Variants in UBE2R2 observed in about 807,000 individuals in gnomAD.
UBE2R2 encodes the protein ubiquitin-conjugating enzyme E2 R2.
In UBE2R2, 1 loss-of-function variant was observed where a neutral mutation model predicts 27.8. The observed-to-expected ratio is 0.04, with a 90% CI of 0.01 to 0.17. The LOEUF (loss-of-function observed/expected upper bound fraction) is 0.17. UBE2R2 is among the 10% of genes least tolerant of loss of function. The pLI is 1.00. For synonymous variants in UBE2R2, 106 were observed against 113.3 expected (o/e 0.94, Z 0.41); for missense variants, 100 against 291.0 (o/e 0.34, Z 4.78).
At chr9:33,873,524 A>G (rs1821533640) in intron 1 of UBE2R2, among the ~76,000 whole-genome samples, 1 of 152,248 alleles carries the variant, frequency 6.6e-6, no homozygotes, top group South Asian at 2.1e-4. Flanking sequence ...TGATAATTCC[A>G]TATGTGACCT....
intron 3 of UBE2R2, among the ~76,000 whole-genome samples, chr9:33,901,397 G>A (rs1822242686): frequency 6.6e-6 from 1 of 152,126 alleles, no homozygotes; most frequent in African/African-American, 2.4e-5. Context: ...TTTCTCCACT[G>A]TAAAGTTGCT....
At chr9:33,842,451 A>C (rs1350015896) in intron 1 of UBE2R2, among the ~76,000 whole-genome samples, 1 of 152,156 alleles carries the variant, frequency 6.6e-6, no homozygotes, top group Non-Finnish European at 1.5e-5. Context: ...AAAATAATTG[A>C]AATTTTTTTT....
rs1822724626 is a variant in UBE2R2 at position 33,918,864 on chromosome 9, T to A, written c.*1627T>A. 1 of 152,616 alleles carries A rather than the reference T, an allele frequency of 6.6e-6. No homozygotes were observed. Among genetic ancestry groups the A allele is most frequent in the Non-Finnish European group, 1.5e-5 (1 of 68,068 alleles). 9.5% of individuals were successfully genotyped at this position (152,616 alleles called of 1,614,324 possible). A position where few individuals can be genotyped will look rare whatever the true frequency, so the allele number is the denominator to read the frequency against. On this transcript the variant is annotated 3_prime_UTR_variant, in exon 5 of 5. Coordinates refer to ENST00000263228, the MANE Select transcript of UBE2R2 (RefSeq NM_017811.4). ...ATGGCCAGAGTAGGTGACGCTTACT[T>A]CCTTAGCTCCTCCTTCCATTCTGAT...
intron 1 of UBE2R2, among the ~76,000 whole-genome samples, chr9:33,865,729 A>G (rs184856095): frequency 2.0e-5 from 3 of 151,972 alleles, no homozygotes; most frequent in African/African-American, 4.8e-5. Flanking sequence ...CATGTCATAC[A>G]CCATTATTAC....
At chr9:33,899,484 C>T (rs1441824487) in intron 2 of UBE2R2, among the ~76,000 whole-genome samples, 10 of 152,298 alleles carry the variant, frequency 6.6e-5, no homozygotes, top group East Asian at 1.9e-4. Context: ...AAGCGATTCT[C>T]CTGCCCCAGC....
At chr9:33,896,852 T>C (rs924463307) in intron 2 of UBE2R2, among the ~76,000 whole-genome samples, 1 of 151,948 alleles carries the variant, frequency 6.6e-6, no homozygotes, top group Admixed American at 6.6e-5. Flanking sequence ...TTTTGTCAAA[T>C]CCATTGTCTG....
chr9:33,899,665 G>A (rs532520666), intron 2 of UBE2R2, among the ~76,000 whole-genome samples: 414 of 152,216 alleles, frequency 2.7e-3, no homozygotes, highest in Non-Finnish European at 4.4e-3. Context: ...GAGCCACCGC[G>A]CCCAGCCAAT....
At chr9:33,896,157 A>G (rs1208607970) in intron 2 of UBE2R2, among the ~76,000 whole-genome samples, 2 of 152,194 alleles carry the variant, frequency 1.3e-5, no homozygotes, top group Non-Finnish European at 2.9e-5. Flanking sequence ...TATAAAAATA[A>G]AAGTGACTGA....
chr9:33,839,379 A>C (rs1820682947), intron 1 of UBE2R2, among the ~76,000 whole-genome samples: 1 of 152,068 alleles, frequency 6.6e-6, no homozygotes, highest in Non-Finnish European at 1.5e-5. Context: ...CTGAGATAAC[A>C]GGCTCCTGCC....
At chr9:33,914,980 A>T (rs1169093692) in intron 4 of UBE2R2, among the ~76,000 whole-genome samples, 1 of 151,858 alleles carries the variant, frequency 6.6e-6, no homozygotes, top group Non-Finnish European at 1.5e-5. Context: ...CTACAAAAAA[A>T]TTAGCCAGGA....
intron 1 of UBE2R2, among the ~76,000 whole-genome samples, chr9:33,851,846 AGT>A (rs978181612): frequency 5.3e-5 from 8 of 152,140 alleles, no homozygotes; most frequent in African/African-American, 1.9e-4. Context: ...ATTCACATAA[AGT>A]GTGTTTTACA....
intron 1 of UBE2R2, among the ~76,000 whole-genome samples, chr9:33,850,011 C>G (rs1216841404): frequency 2.6e-5 from 4 of 152,102 alleles, no homozygotes; most frequent in Admixed American, 2.6e-4. Context: ...CTGCCTATAT[C>G]TATATTTTTT....
chr9:33,819,462 C>A (rs1465179818), intron 1 of UBE2R2, among the ~76,000 whole-genome samples: 2 of 152,150 alleles, frequency 1.3e-5, no homozygotes, highest in African/African-American at 4.8e-5. Context: ...TTGTGGTCAG[C>A]CTACCCTATA....
chr9:33,851,759 G>A (rs1457768830), intron 1 of UBE2R2, among the ~76,000 whole-genome samples: 1 of 151,936 alleles, frequency 6.6e-6, no homozygotes, highest in Non-Finnish European at 1.5e-5. Flanking sequence ...TATTGCTATT[G>A]AACTTCTAAT....
chr9:33,828,834 A>G (rs1820377515), intron 1 of UBE2R2, among the ~76,000 whole-genome samples: 1 of 151,958 alleles, frequency 6.6e-6, no homozygotes, highest in African/African-American at 2.4e-5. Flanking sequence ...CCCGGGTTCA[A>G]GTGATTATTC....
chr9:33,915,376 G>A (rs916483514), intron 4 of UBE2R2, among the ~76,000 whole-genome samples: 15 of 152,282 alleles, frequency 9.9e-5, no homozygotes, highest in Admixed American at 5.2e-4. Context: ...TAGGACAGAG[G>A]CTTCCAAAAG....
rs577454151 is a variant in UBE2R2, at chr9:33,852,812, A to G, written c.178-34069A>G. The stretch of plus-strand genomic sequence containing the variant: ...CACTTGAGGTCAGGAGTTCAAGACC[A>G]GTCTGGCCAATATGGTGTAACCCTG... On this transcript the variant is annotated intron_variant, in intron 1 of 4. Coordinates refer to ENST00000263228, the MANE Select transcript of UBE2R2 (RefSeq NM_017811.4). Among the ~76,000 whole-genome samples the G allele has an allele frequency of 1.1e-3, 168 of 152,308 alleles. 1 individual carries two copies. The highest frequency in any genetic ancestry group is 3.9e-3 in the African/African-American group (161 of 41,562).
At chr9:33,826,130 A>C (rs1465966277) in intron 1 of UBE2R2, among the ~76,000 whole-genome samples, 3 of 151,150 alleles carry the variant, frequency 2.0e-5, no homozygotes, top group Non-Finnish European at 3.0e-5. Context: ...TGAGCAACAG[A>C]ATGGGACTCT....
At chr9:33,899,008 G>A (rs1333445582) in intron 2 of UBE2R2, among the ~76,000 whole-genome samples, 1 of 152,150 alleles carries the variant, frequency 6.6e-6, no homozygotes, top group Non-Finnish European at 1.5e-5. Context: ...ACCATACCTT[G>A]AGGATGTTAA....
Sources: allele counts gnomAD v4.1 joint callset (sites outside exome capture counted in the v4.1 genomes callset), GRCh38; gene constraint gnomAD v4.1.1; transcripts MANE v1.5; gene names NCBI Gene and HGNC (gene_info 2026-07-23, HGNC 2026-07-21).